KDM2A: variants seen among roughly 807,000 people sequenced by gnomAD.
The protein encoded by KDM2A is lysine demethylase 2A.
Under a neutral mutation model 137.3 loss-of-function variants are expected in KDM2A, and 3 were observed. That is an observed-to-expected ratio of 0.02 (90% CI 0.01 to 0.06). KDM2A has a LOEUF of 0.06. Among genes scored for constraint, KDM2A ranks in the 10% least tolerant of loss-of-function variants. The pLI, the probability that KDM2A is intolerant of heterozygous loss-of-function variation, is 1.00. For missense variants in KDM2A, 738 were observed against 1,510.6 expected, an observed-to-expected ratio of 0.49 and a Z score of 8.48; for synonymous variants, 512 against 541.5, an observed-to-expected ratio of 0.95 and a Z score of 0.76.
intron 5 of KDM2A, chr11:67,197,137 C>T (rs561421386): frequency 3.1e-4 from 47 of 151,730 alleles, no homozygotes; most frequent in African/African-American, 1.1e-3. Context: ...AATAAAATAG[C>T]AATTATATCT....
At chr11:67,135,079 T>TC (rs1335381654) in intron 2 of KDM2A, among the ~76,000 whole-genome samples, 7 of 151,828 alleles carry the variant, frequency 4.6e-5, no homozygotes, top group African/African-American at 7.3e-5. Flanking sequence ...TTTTTTTTTT[T>TC]CCCCCTGAGA....
chr11:67,222,764 T>C (rs1369804540), intron 10 of KDM2A, among the ~76,000 whole-genome samples: 1 of 148,970 alleles, frequency 6.7e-6, no homozygotes, highest in Non-Finnish European at 1.5e-5. Context: ...TGGTTAAAGA[T>C]GACTCTTACA....
intron 6 of KDM2A, among the ~76,000 whole-genome samples, chr11:67,209,824 G>A (rs1857924152): frequency 6.6e-6 from 1 of 152,198 alleles, no homozygotes; most frequent in African/African-American, 2.4e-5. Context: ...ACTTTGGGAG[G>A]CTGAGGTGGG....
chr11:67,228,878 C>A (rs1858627872), intron 11 of KDM2A, among the ~76,000 whole-genome samples: 1 of 151,940 alleles, frequency 6.6e-6, no homozygotes, highest in Non-Finnish European at 1.5e-5. Flanking sequence ...AAGCACACAC[C>A]ACTATGCCCA....
intron 2 of KDM2A, among the ~76,000 whole-genome samples, chr11:67,145,937 G>C (rs7930829): frequency 0.28 from 40,077 of 143,088 alleles, 11,066 homozygotes; most frequent in African/African-American, 0.7. Flanking sequence ...TTTTCAACAT[G>C]TTTCTCTGTT....
At chr11:67,219,586 G>T in intron 10 of KDM2A, 183 bp downstream of exon 10, 2 of 348,380 alleles carry the variant, frequency 5.7e-6, no homozygotes, top group African/African-American at 2.2e-5. Flanking sequence ...GCAGAATCTT[G>T]TTCTGTTTTC....
At chr11:67,144,963 C>T (rs1173308188) in intron 2 of KDM2A, among the ~76,000 whole-genome samples, 7 of 151,382 alleles carry the variant, frequency 4.6e-5, no homozygotes, top group South Asian at 2.1e-4. Context: ...CTTTGCCTCC[C>T]GGGTCATGTG....
intron 15 of KDM2A, among the ~76,000 whole-genome samples, chr11:67,247,041 AT>A (rs1565424000): frequency 1.3e-4 from 2 of 15,486 alleles, no homozygotes; most frequent in Non-Finnish European, 2.4e-4. Flanking sequence ...ATTATTTTAT[AT>A]ATATATATAT....
At chr11:67,190,398 A>G (rs1262173858) in intron 5 of KDM2A, among the ~76,000 whole-genome samples, 1 of 152,130 alleles carries the variant, frequency 6.6e-6, no homozygotes, top group Non-Finnish European at 1.5e-5. Context: ...TGACAAGAGC[A>G]AACCTCCGAC....
At chr11:67,156,011 G>A (rs1399333784) in intron 2 of KDM2A, among the ~76,000 whole-genome samples, 1 of 150,068 alleles carries the variant, frequency 6.7e-6, no homozygotes, top group Non-Finnish European at 1.5e-5. Context: ...CACTTTGGGA[G>A]GCTGAGGGCA....
chr11:67,242,301 TGTGAGA>T (rs1440622400), intron 12 of KDM2A, among the ~76,000 whole-genome samples: 11 of 151,244 alleles, frequency 7.3e-5, no homozygotes, highest in African/African-American at 1.7e-4. Context: ...TGTGTGTGTG[TGTGAGA>T]GAGAGAGAGA....
At chr11:67,141,742 AC>A (rs1856108295) in intron 2 of KDM2A, among the ~76,000 whole-genome samples, 2 of 148,624 alleles carry the variant, frequency 1.3e-5, no homozygotes, top group South Asian at 2.1e-4. Flanking sequence ...CACCCTACTT[AC>A]GATTGAGCTT....
At chr11:67,207,759 T>G in intron 6 of KDM2A, 71 bp downstream of exon 6, 5 of 1,259,348 alleles carry the variant, frequency 4.0e-6, no homozygotes, top group Non-Finnish European at 5.4e-6. Context: ...CGTTGGTAAC[T>G]GATGCTTGTT....
intron 2 of KDM2A, among the ~76,000 whole-genome samples, chr11:67,151,849 A>T (rs530983584): frequency 6.6e-6 from 1 of 152,070 alleles, no homozygotes; most frequent in Non-Finnish European, 1.5e-5. Flanking sequence ...GGCTTAAGCA[A>T]TTCTCTTACC....
intron 11 of KDM2A, 147 bp downstream of exon 11, chr11:67,228,310 C>T: frequency 1.2e-6 from 1 of 808,802 alleles, no homozygotes; most frequent in South Asian, 1.8e-5. Flanking sequence ...GAATTGAATA[C>T]CAGTTACCTA....
rs541043839 is a variant in KDM2A at position 67,173,974 on chromosome 11, C to G, written c.43-6105C>G. ...AAGTGATCCTCCTACCCCAGCCTCC[C>G]TAATTGCTGGTATTACAGGCATGAG... On this transcript the variant is annotated intron_variant, in intron 2 of 20. Transcript: ENST00000529006. Among the ~76,000 whole-genome samples the G allele has an allele frequency of 2.6e-5, 4 of 152,288 alleles. No homozygotes were observed. In the South Asian group the frequency reaches 8.3e-4, roughly 32 times the overall value.
intron 2 of KDM2A, among the ~76,000 whole-genome samples, chr11:67,179,713 A>G (rs536257072): frequency 1.1e-3 from 161 of 152,330 alleles, no homozygotes; most frequent in Non-Finnish European, 1.6e-3. Flanking sequence ...AAAAAATTAT[A>G]TTTTGTATCC....
intron 6 of KDM2A, among the ~76,000 whole-genome samples, chr11:67,213,424 C>T (rs544703187): frequency 6.6e-5 from 10 of 152,032 alleles, no homozygotes; most frequent in East Asian, 5.8e-4. Context: ...TAAAATGTTG[C>T]GTATTGCTTT....
At chr11:67,160,818 CAA>C (rs763473503) in intron 2 of KDM2A, among the ~76,000 whole-genome samples, 3 of 151,916 alleles carry the variant, frequency 2.0e-5, no homozygotes, top group Non-Finnish European at 4.4e-5. Flanking sequence ...TCATTAATAA[CAA>C]GAGCTAGCGG....
Sources: gnomAD v4.1 joint callset for allele counts (sites outside exome capture counted in the v4.1 genomes callset) on GRCh38, gnomAD v4.1.1 for gene constraint, MANE v1.5 for transcripts, NCBI Gene and HGNC (gene_info 2026-07-23, HGNC 2026-07-21) for gene names.